The following SRCIN1 variants were observed in gnomAD, a reference collection of about 807,000 sequenced individuals.
The protein encoded by SRCIN1 is SRC kinase signaling inhibitor 1, also known as P130Cas-associated protein.
In SRCIN1, 50 loss-of-function variants were observed where a neutral mutation model predicts 116.2. The ratio of observed to expected loss-of-function variants is 0.43; its 90% confidence interval spans 0.34 to 0.54. The LOEUF (loss-of-function observed/expected upper bound fraction) is 0.54. Among genes scored for constraint, SRCIN1 ranks in the 20% least tolerant of loss-of-function variants. The pLI, the probability that SRCIN1 is intolerant of heterozygous loss-of-function variation, is 0.02. For synonymous variants in SRCIN1, 736 were observed against 750.0 expected (o/e 0.98, Z 0.30); for missense variants, 1,446 against 1,672.0 (o/e 0.86, Z 2.36).
Position 38,561,727 on chromosome 17 carries a change from G to A in SRCIN1, c.1436C>T (p.Ala479Val). The change falls in exon 7 of 19, where the codon GCC (alanine) becomes GTC (valine). Residue 479 changes from alanine to valine, a missense_variant. By Grantham distance (64) the Ala-to-Val change is moderately conservative. Around this residue, in one of 5 missense-constraint regions of SRCIN1, gnomAD observed 398 missense variants for 385.6 expected, o/e 1.03. Transcript: ENST00000617146. Reference protein sequence around the residue: ...RLPPSSPQKLADVAAPPGGPP... With the variant: ...RLPPSSPQKLVDVAAPPGGPP... ...ACCTCCGGGGGGTGCTGCCACGTCG[G>A]CCAGCTTCTGCGGTGACGAAGGCGG... is the stretch of plus-strand genomic sequence containing the variant. 2 of 1,523,870 alleles carry A rather than the reference G, an allele frequency of 1.3e-6. No individual in the cohort carries two copies. Among genetic ancestry groups the A allele is most frequent in the Admixed American group, 2.0e-5 (1 of 49,558 alleles). The allele number at this position is 1,523,870 out of a possible 1,614,324, so 94.4% of individuals were successfully genotyped here.
At chr17:38,588,431 G>A (rs903250413) in intron 1 of SRCIN1, among the ~76,000 whole-genome samples, 6 of 152,364 alleles carry the variant, frequency 3.9e-5, no homozygotes, top group African/African-American at 1.4e-4. Context: ...CTGCTCACGC[G>A]CCCAGGGAAG....
intron 1 of SRCIN1, among the ~76,000 whole-genome samples, chr17:38,587,541 G>A (rs764477966): frequency 6.6e-6 from 1 of 152,118 alleles, no homozygotes. Flanking sequence ...CAATCTGCAG[G>A]AGCTGAAGGC....
At position 38,538,233 on chromosome 17, in the gene SRCIN1, A is replaced by G. The variant is rs144149466; in HGVS notation, c.3418-4802T>C. Among the ~76,000 whole-genome samples the G allele has an allele frequency of 4.3e-3, 658 of 151,788 alleles. 8 individuals are homozygous for G. Among genetic ancestry groups the G allele is most frequent in the African/African-American group, 0.015 (621 of 41,432 alleles). On this transcript the variant is annotated intron_variant, in intron 18 of 18. Transcript: ENST00000617146. ...GGAGTTCGAGACCAGCCTGACCAAC[A>G]TGGTGAAACCCTGTCTCTACTGAAA...
intron 3 of SRCIN1, among the ~76,000 whole-genome samples, chr17:38,567,879 AC>A (rs1182942285): frequency 6.6e-6 from 1 of 152,208 alleles, no homozygotes; most frequent in Non-Finnish European, 1.5e-5. Flanking sequence ...TAAGTCCCTA[AC>A]TCAGAGGCAG....
intron 2 of SRCIN1, among the ~76,000 whole-genome samples, chr17:38,577,996 C>A (rs1375005724): frequency 6.6e-6 from 1 of 152,138 alleles, no homozygotes; most frequent in African/African-American, 2.4e-5. Flanking sequence ...TCCATTCTTG[C>A]AGGCTGCAGG....
intron 15 of SRCIN1, among the ~76,000 whole-genome samples, chr17:38,549,808 C>T (rs908933598): frequency 2.6e-5 from 4 of 152,236 alleles, no homozygotes; most frequent in African/African-American, 9.6e-5. Flanking sequence ...GCCAGCACCT[C>T]TGCACCTGCC....
intron 1 of SRCIN1, among the ~76,000 whole-genome samples, chr17:38,579,789 C>T (rs2143326945): frequency 1.3e-5 from 2 of 152,324 alleles, no homozygotes; most frequent in Non-Finnish European, 2.9e-5. Flanking sequence ...CCCTGCTGGC[C>T]CGCACTCTCC....
In SRCIN1 at chr17:38,604,530, A is replaced by G. The variant is rs1909243106; in HGVS notation, c.22+1154T>C. On this transcript the variant is annotated intron_variant, in intron 1 of 18. Coordinates refer to ENST00000617146, the MANE Select transcript of SRCIN1 (RefSeq NM_025248.3). This position sits in a 1 kb window ranked among gnomAD's most constrained non-coding sequence, Gnocchi z 4.3. ...CTCGGTCCAGCCTCCTCCCTGGGAG[A>G]GCGGGCTCTGCCCTCCGCCGTCCTC... is the stretch of plus-strand genomic sequence containing the variant. 6.6e-6 allele frequency: 3 copies of G among 454,760 alleles called. No homozygotes were observed. The highest frequency in any genetic ancestry group is 1.3e-5 in the Non-Finnish European group (3 of 226,324). 28.2% of individuals were successfully genotyped at this position (454,760 alleles called of 1,614,324 possible).
chr17:38,541,611 GAGA>G (rs1402679362), intron 18 of SRCIN1: 1 of 153,306 alleles, frequency 6.5e-6, no homozygotes, highest in Non-Finnish European at 1.5e-5. Context: ...ATGGTGTGAG[GAGA>G]AGAGGCTGAG....
chr17:38,581,322 C>T (rs1337018138), intron 1 of SRCIN1, among the ~76,000 whole-genome samples: 1 of 151,178 alleles, frequency 6.6e-6, no homozygotes, highest in Non-Finnish European at 1.5e-5. Flanking sequence ...AGGAGAAATG[C>T]TTGAACCCGG....
At chr17:38,550,356 G>C (rs529897559) in intron 15 of SRCIN1, among the ~76,000 whole-genome samples, 1 of 152,042 alleles carries the variant, frequency 6.6e-6, no homozygotes, top group Non-Finnish European at 1.5e-5. Context: ...TTAGCCGGGC[G>C]TGGTGCAGGC....
rs573766396 is a variant in SRCIN1, at chr17:38,563,442, G to A, written c.621C>T (p.His207=). 2.3e-5 allele frequency: 36 copies of A among 1,562,010 alleles called. No homozygotes were observed. The African/African-American group carries it at 3.8e-4, about 16-fold the overall frequency. ...GCGGGAACATGTGCGCGATGAGTGC[G>A]TGCAGCGTGTCCAGGCTGCTGACCT... ...THEVSSLDTL[H]ALIAHMFPQK... Residue 207 remains histidine, a synonymous_variant, in exon 5 of 19, where the codon CAC becomes CAT. Coordinates refer to ENST00000617146, the MANE Select transcript of SRCIN1 (RefSeq NM_025248.3). The surrounding 1 kb of genome is among the most constrained non-coding windows in gnomAD (Gnocchi z 5.8).
Position 38,572,777 on chromosome 17 carries a change from T to TCCGCAGCCGCGGCCGCCG in SRCIN1, c.325-4564_325-4547dup, listed in dbSNP as rs1907175349. The TCCGCAGCCGCGGCCGCCG allele has an allele frequency of 3.9e-5, 6 of 152,176 alleles. No individual in the cohort carries two copies. The highest frequency in any genetic ancestry group is 3.5e-4 in the South Asian group (2 of 5,648). 9.4% of individuals were successfully genotyped at this position (152,176 alleles called of 1,614,324 possible). A position where few individuals can be genotyped will look rare whatever the true frequency, so the allele number is the denominator to read the frequency against. On this transcript the variant is annotated intron_variant, in intron 2 of 18. Transcript: ENST00000617146. This position sits in a 1 kb window ranked among gnomAD's most constrained non-coding sequence, Gnocchi z 4.3. ...CGGGCTCTTCTCTCCCCCGGCCGCC[T>TCCGCAGCCGCGGCCGCCG]CCGCAGCCGCGGCCGCCGCCGCCGG...
At chr17:38,542,751 G>T in intron 18 of SRCIN1, 1 of 215,350 alleles carries the variant, frequency 4.6e-6, no homozygotes, top group Non-Finnish European at 9.7e-6. Context: ...GATCCTGGCT[G>T]TGATGCCACC....
Position 38,551,997 on chromosome 17 carries a change from A to C in SRCIN1, c.2616T>G (p.His872Gln). The C allele has an allele frequency of 1.9e-6, 3 of 1,613,938 alleles. No homozygotes were observed. The highest frequency in any genetic ancestry group is 2.5e-6 in the Non-Finnish European group (3 of 1,179,868). ...CTCCTTCAGCTGGCCCGCTCAGCTC[A>C]TGCAGGTTCAGCGGGGGGCTGGGGG... ...MPPPSPPLNL[H>Q]ELSGPAEGAS... Residue 872 changes from histidine (H) to glutamine (Q), a missense_variant, in exon 14 of 19, where the codon CAT (histidine) becomes CAG (glutamine). Coordinates refer to ENST00000617146, the MANE Select transcript of SRCIN1 (RefSeq NM_025248.3).
At position 38,560,080 on chromosome 17, in the gene SRCIN1, G is replaced by A. The variant is rs1238780017; in HGVS notation, c.1811C>T (p.Ser604Phe). Residue 604 changes from serine (S) to phenylalanine (F), a missense_variant, in exon 9 of 19, where the codon TCC (serine) becomes TTC (phenylalanine). Ser to Phe is a radical substitution (Grantham distance 155). Around this residue, in one of 5 missense-constraint regions of SRCIN1, gnomAD observed 398 missense variants for 385.6 expected, o/e 1.03. Coordinates refer to ENST00000617146, the MANE Select transcript of SRCIN1 (RefSeq NM_025248.3). ...PETPSEKIEGSNGAATPSAPC... is the reference protein window; with the variant it reads ...PETPSEKIEGFNGAATPSAPC... ...TGCTGAGGGGGTGGCTGCTCCATTG[G>A]AGCCTTCAATCTTCTCGCTGTGGCA... 10 of 1,555,636 alleles carry A rather than the reference G, an allele frequency of 6.4e-6. No individual in the cohort carries two copies. The highest frequency in any genetic ancestry group is 5.9e-5 in the Admixed American group (3 of 51,100).
chr17:38,578,423 G>T (rs1907551563), intron 2 of SRCIN1, 67 bp downstream of exon 2: 12 of 1,492,614 alleles, frequency 8.0e-6, no homozygotes, highest in Non-Finnish European at 1.1e-5. Context: ...CGGAGCACGG[G>T]GTCAGACCTC....
intron 1 of SRCIN1, among the ~76,000 whole-genome samples, chr17:38,583,563 T>G (rs1436420342): frequency 6.7e-6 from 1 of 148,586 alleles, no homozygotes; most frequent in Non-Finnish European, 1.5e-5. Flanking sequence ...TTTTTTTTTT[T>G]TTTTTTTGAG....
Position 38,530,865 on chromosome 17 carries a change from CAT to C in SRCIN1, c.*2430_*2431del, listed in dbSNP as rs1484143462. ...CTATGTGCCCACGCCTTCCCCCACA[CAT>C]GTGCTCGGCCATGCCTGTGGGTGCA... On this transcript the variant is annotated 3_prime_UTR_variant, in exon 19 of 19. Transcript: ENST00000617146. 2.9e-3 allele frequency: 435 copies of C among 152,438 alleles called. 3 individuals carry two copies. Among genetic ancestry groups the C allele is most frequent in the African/African-American group, 0.01 (416 of 41,598 alleles). 9.4% of individuals were successfully genotyped at this position (152,438 alleles called of 1,614,324 possible).
Sources: gnomAD v4.1 joint callset for allele counts (sites outside exome capture counted in the v4.1 genomes callset) on GRCh38, gnomAD v4.1.1 for gene constraint, gnomAD v4.1.1 regional missense constraint, Gnocchi (gnomAD v3.1) non-coding constraint, MANE v1.5 for transcripts, NCBI Gene and HGNC (gene_info 2026-07-23, HGNC 2026-07-21) for gene names.